The following IMMP2L variants were observed in gnomAD, a reference collection of about 807,000 sequenced individuals.
IMMP2L encodes the protein mitochondrial inner membrane protease subunit 2.
IMMP2L carries 18 observed loss-of-function variants against 19.3 expected under a neutral mutation model. The ratio of observed to expected loss-of-function variants is 0.93; its 90% confidence interval spans 0.64 to 1.38. The LOEUF (loss-of-function observed/expected upper bound fraction) is 1.38. Among genes scored for constraint, IMMP2L ranks in the 40% most tolerant of loss-of-function variants. The pLI is 0.00. For missense variants in IMMP2L, 233 were observed against 218.2 expected (o/e 1.07, Z -0.43); for synonymous variants, 76 against 73.0 (o/e 1.04, Z -0.21).
At chr7:110,767,096 A>G (rs1584765409) in intron 5 of IMMP2L, among the ~76,000 whole-genome samples, 1 of 152,250 alleles carries the variant, frequency 6.6e-6, no homozygotes, top group East Asian at 1.9e-4. Context: ...TTCTTGTTCT[A>G]GTATTTATTT....
chr7:110,854,466 C>T (rs1277705928), intron 5 of IMMP2L, among the ~76,000 whole-genome samples: 1 of 151,778 alleles, frequency 6.6e-6, no homozygotes, highest in African/African-American at 2.4e-5. Flanking sequence ...GTAAGTTTCA[C>T]TCTGTCAAAA....
chr7:110,753,780 G>C (rs1457437902), intron 5 of IMMP2L, among the ~76,000 whole-genome samples: 1 of 151,222 alleles, frequency 6.6e-6, no homozygotes, highest in Non-Finnish European at 1.5e-5. Flanking sequence ...GTGTGTGTGT[G>C]GTTAGTAGAA....
intron 3 of IMMP2L, among the ~76,000 whole-genome samples, chr7:111,166,921 A>T (rs1051792981): frequency 6.6e-6 from 1 of 151,984 alleles, no homozygotes; most frequent in Non-Finnish European, 1.5e-5. Flanking sequence ...GGATAATCTC[A>T]TCTTGAGGTC....
chr7:110,673,155 T>C (rs1421427321), intron 5 of IMMP2L, among the ~76,000 whole-genome samples: 2 of 152,214 alleles, frequency 1.3e-5, no homozygotes, highest in African/African-American at 4.8e-5. Context: ...CAAACCTCAA[T>C]TCTTGACTTC....
intron 5 of IMMP2L, among the ~76,000 whole-genome samples, chr7:110,805,950 T>C (rs962458921): frequency 2.0e-5 from 3 of 151,980 alleles, no homozygotes; most frequent in African/African-American, 7.2e-5. Context: ...ATCTAGTCTA[T>C]TTTCAGTGAA....
intron 3 of IMMP2L, among the ~76,000 whole-genome samples, chr7:111,193,908 C>T (rs1204677176): frequency 6.6e-6 from 1 of 152,088 alleles, no homozygotes. Context: ...ATCAATTGAC[C>T]TTACATCTCA....
intron 3 of IMMP2L, among the ~76,000 whole-genome samples, chr7:111,450,066 C>A (rs1838962491): frequency 6.6e-6 from 1 of 151,730 alleles, no homozygotes; most frequent in South Asian, 2.1e-4. Flanking sequence ...AAGGAGGATA[C>A]AAACAAATGG....
intron 3 of IMMP2L, among the ~76,000 whole-genome samples, chr7:111,044,702 C>T (rs1231694266): frequency 6.6e-6 from 1 of 152,170 alleles, no homozygotes; most frequent in Non-Finnish European, 1.5e-5. Context: ...ATGCACAACA[C>T]TAACGCAAAA....
chr7:110,769,826 C>T (rs1400629322), intron 5 of IMMP2L, among the ~76,000 whole-genome samples: 2 of 152,040 alleles, frequency 1.3e-5, no homozygotes, highest in Non-Finnish European at 2.9e-5. Flanking sequence ...AAGTCAGCCC[C>T]GGATTTGAAT....
rs982942833 is a variant in IMMP2L at position 111,207,502 on chromosome 7, GCTTT to G, written c.240-243941_240-243938del. On this transcript the variant is annotated intron_variant, in intron 3 of 5. Transcript: ENST00000405709. ...TAATTCCTAGCAAAGATAGAGGCTT[GCTTT>G]CTTTCTTTCTTTTTCGTTTTATTTT... 6.8e-4 allele frequency among the ~76,000 whole-genome samples: 97 copies of G among 143,016 alleles called. No homozygotes were observed. The Middle Eastern group carries it at 0.016, about 23-fold the overall frequency. The allele number at this position is 143,016 out of a possible 152,430, so 93.8% of individuals were successfully genotyped here.
chr7:110,932,456 C>G (rs982037146), intron 4 of IMMP2L, among the ~76,000 whole-genome samples: 1 of 152,022 alleles, frequency 6.6e-6, no homozygotes, highest in Non-Finnish European at 1.5e-5. Context: ...TGGGTTCGTG[C>G]CATTCTCCTG....
chr7:111,428,228 C>T (rs913712178), intron 3 of IMMP2L, among the ~76,000 whole-genome samples: 1 of 151,522 alleles, frequency 6.6e-6, no homozygotes, highest in Non-Finnish European at 1.5e-5. Context: ...TCTTATTTTC[C>T]AAATAAGTCA....
At chr7:110,734,249 T>C (rs1796468265) in intron 5 of IMMP2L, among the ~76,000 whole-genome samples, 1 of 152,188 alleles carries the variant, frequency 6.6e-6, no homozygotes, top group South Asian at 2.1e-4. Flanking sequence ...AACAGAATGC[T>C]GGTAGAAATA....
intron 3 of IMMP2L, among the ~76,000 whole-genome samples, chr7:111,460,452 A>T (rs1585194768): frequency 6.6e-6 from 1 of 152,210 alleles, no homozygotes; most frequent in South Asian, 2.1e-4. Context: ...AAGAAAGAAC[A>T]AAAGAGTCAG....
chr7:111,346,355 CAGAGG>C (rs1827561666), intron 3 of IMMP2L, among the ~76,000 whole-genome samples: 1 of 152,104 alleles, frequency 6.6e-6, no homozygotes, highest in Non-Finnish European at 1.5e-5. Context: ...CTAAGCAGAG[CAGAGG>C]AGAGAAGGGG....
At chr7:111,286,883 C>T (rs1393516846) in intron 3 of IMMP2L, among the ~76,000 whole-genome samples, 3 of 152,122 alleles carry the variant, frequency 2.0e-5, no homozygotes, top group African/African-American at 4.8e-5. Flanking sequence ...TAGGGATACA[C>T]ACTTTCCAAG....
At chr7:111,399,760 G>C (rs941096483) in intron 3 of IMMP2L, among the ~76,000 whole-genome samples, 2 of 152,012 alleles carry the variant, frequency 1.3e-5, no homozygotes, top group Non-Finnish European at 2.9e-5. Context: ...ACATGTAGTA[G>C]TATATCCTAT....
chr7:111,030,292 TATA>T (rs1036611905), intron 3 of IMMP2L, among the ~76,000 whole-genome samples: 9 of 152,172 alleles, frequency 5.9e-5, no homozygotes, highest in African/African-American at 2.2e-4. Flanking sequence ...AAAAAAAGCC[TATA>T]ATATGTGCTA....
rs564437384 is a variant in IMMP2L at position 110,667,149 on chromosome 7, C to T, written c.409-3428G>A. Among the ~76,000 whole-genome samples the T allele has an allele frequency of 5.9e-5, 9 of 152,212 alleles. No homozygotes were observed. In the South Asian group the frequency reaches 8.3e-4, roughly 14 times the overall value. On this transcript the variant is annotated intron_variant, in intron 5 of 5. Transcript: ENST00000405709. ...CCTCCCAAAGTGCTGGGATTACAGGCGTGAGCCACTGCGCCCGGCCTGGAA... is the reference window on the plus strand; with the variant it reads ...CCTCCCAAAGTGCTGGGATTACAGGTGTGAGCCACTGCGCCCGGCCTGGAA...
Sources: gnomAD v4.1 joint callset for allele counts (sites outside exome capture counted in the v4.1 genomes callset) on GRCh38, gnomAD v4.1.1 for gene constraint, MANE v1.5 for transcripts, NCBI Gene and HGNC (gene_info 2026-07-23, HGNC 2026-07-21) for gene names.